The following ANKRD27 variants were observed in gnomAD, a reference collection of about 807,000 sequenced individuals.
ANKRD27 encodes the protein ankyrin repeat domain 27, also known as ankyrin repeat domain-containing protein 27.
ANKRD27 carries 112 observed loss-of-function variants against 129.7 expected under a neutral mutation model. That is an observed-to-expected ratio of 0.86 (90% CI 0.74 to 1.01). ANKRD27 has a LOEUF of 1.01. Among genes scored for constraint, ANKRD27 ranks in the 50% least tolerant of loss-of-function variants. The pLI is 0.00. For missense variants in ANKRD27, 1,258 were observed against 1,300.5 expected (o/e 0.97, Z 0.50); for synonymous variants, 516 against 511.2 (o/e 1.01, Z -0.13).
chr19:32,604,459 T>C (rs772846644), intron 24 of ANKRD27, 35 bp from the exon 25 acceptor site: 1 of 1,562,472 alleles, frequency 6.4e-7, no homozygotes, highest in Non-Finnish European at 8.7e-7. Context: ...AAAGGAACGC[T>C]ACGAAACGTC....
At chr19:32,610,154 A>G (rs1261913145) in intron 22 of ANKRD27, among the ~76,000 whole-genome samples, 1 of 152,190 alleles carries the variant, frequency 6.6e-6, no homozygotes, top group African/African-American at 2.4e-5. Context: ...TACTAAAAAT[A>G]CAAAAATTAG....
At chr19:32,628,046 TGTGACAGCCCCTAGG>T in intron 15 of ANKRD27, 22 bp downstream of exon 15, 1 of 1,597,612 alleles carries the variant, frequency 6.3e-7, no homozygotes, top group Non-Finnish European at 8.6e-7. Context: ...ATCCCTTTGC[TGTGACAGCCCCTAGG>T]GGCCAGCCCA....
intron 1 of ANKRD27, among the ~76,000 whole-genome samples, chr19:32,660,156 C>T (rs1463311593): frequency 1.3e-5 from 2 of 152,156 alleles, no homozygotes; most frequent in Non-Finnish European, 2.9e-5. Context: ...TTTATGTCCC[C>T]CAAAAACTCA....
chr19:32,616,334 C>T (rs994766979), intron 21 of ANKRD27, among the ~76,000 whole-genome samples: 1 of 152,160 alleles, frequency 6.6e-6, no homozygotes, highest in Non-Finnish European at 1.5e-5. Flanking sequence ...AGGCAGATCA[C>T]CTGAGGTCAG....
chr19:32,670,006 A>T (rs961510738), intron 1 of ANKRD27, among the ~76,000 whole-genome samples: 1 of 151,872 alleles, frequency 6.6e-6, no homozygotes. Flanking sequence ...AAAAAAAAAA[A>T]AAAGAAAGAA....
intron 22 of ANKRD27, among the ~76,000 whole-genome samples, chr19:32,610,580 T>A (rs1971820634): frequency 6.7e-6 from 1 of 148,974 alleles, no homozygotes; most frequent in Admixed American, 6.7e-5. Context: ...TCACTTGAGG[T>A]CAGGAGTTTG....
intron 3 of ANKRD27, among the ~76,000 whole-genome samples, chr19:32,649,381 C>G (rs577015912): frequency 1.3e-5 from 2 of 152,160 alleles, no homozygotes; most frequent in African/African-American, 2.4e-5. Flanking sequence ...TCCTTTGGCT[C>G]GGACATCAGC....
In ANKRD27 at chr19:32,626,772, T is replaced by G. The variant is rs1242755904; in HGVS notation, c.1476A>C (p.Thr492=). ...LVSKGAMVNA[T]DYHGATPLHL... ...GGAGCGGAGTGGCTCCATGGTAGTCTGTGGCATTTACCATGGCGCCCTTGG... is the reference window on the plus strand; with the variant it reads ...GGAGCGGAGTGGCTCCATGGTAGTCGGTGGCATTTACCATGGCGCCCTTGG... The change falls in exon 16 of 29, where the codon ACA becomes ACC. Residue 492 remains threonine, a synonymous_variant. Transcript: ENST00000306065. 6.2e-7 allele frequency: 1 copy of G among 1,612,560 alleles called. No homozygotes were observed. The highest frequency in any genetic ancestry group is 1.3e-5 in the African/African-American group (1 of 74,894).
chr19:32,633,516 G>A (rs1041484622), intron 12 of ANKRD27, among the ~76,000 whole-genome samples: 13 of 151,366 alleles, frequency 8.6e-5, no homozygotes, highest in Non-Finnish European at 1.5e-4. Flanking sequence ...AAAGATGGCG[G>A]TCTCGCTACA....
chr19:32,622,495 A>G lies in ANKRD27; in HGVS notation c.1754T>C (p.Leu585Pro). 2 of 1,614,032 alleles carry G rather than the reference A, an allele frequency of 1.2e-6. No individual in the cohort carries two copies. The highest frequency in any genetic ancestry group is 1.7e-6 in the Non-Finnish European group (2 of 1,180,012). The change falls in exon 18 of 29, where the codon CTG (leucine) becomes CCG (proline). Residue 585 changes from leucine (L) to proline (P), a missense_variant. Transcript: ENST00000306065. Reference sequence around the variant, plus strand: ...GATCTCGGTGGACGCTCCGTTCTGCAGCAATGTCTCTATGACGCCTTGGTA... The same window carrying G: ...GATCTCGGTGGACGCTCCGTTCTGCGGCAATGTCTCTATGACGCCTTGGTA... ...WGYQGVIETL[L>P]QNGASTEIQN... is the part of the protein sequence containing the mutation.
At chr19:32,669,463 C>T (rs1326585892) in intron 1 of ANKRD27, among the ~76,000 whole-genome samples, 3 of 152,202 alleles carry the variant, frequency 2.0e-5, no homozygotes, top group Non-Finnish European at 4.4e-5. Flanking sequence ...AAAACTCTTT[C>T]TAGTTCCTGA....
chr19:32,599,951 C>A, intron 27 of ANKRD27, 21 bp downstream of exon 27: 2 of 1,601,332 alleles, frequency 1.2e-6, no homozygotes, highest in South Asian at 2.2e-5. Flanking sequence ...GCACAGAAAT[C>A]AACTTGAGTT....
rs1279549444 is a variant in ANKRD27 at position 32,597,373 on chromosome 19, ACT to A, written c.*770_*771del. The A allele has an allele frequency of 6.5e-6, 1 of 152,742 alleles. No homozygotes were observed. The highest frequency in any genetic ancestry group is 3.4e-3 in the Middle Eastern group (1 of 294). The allele number at this position is 152,742 out of a possible 1,614,324, so 9.5% of individuals were successfully genotyped here. On this transcript the variant is annotated 3_prime_UTR_variant, in exon 29 of 29. Transcript: ENST00000306065. ...GACTAAGAAAAGATGTGCCAAATCTACTCTCTAATCCAGTAACCATCCCGTCA... is the reference window on the plus strand; with the variant it reads ...GACTAAGAAAAGATGTGCCAAATCTACTCTAATCCAGTAACCATCCCGTCA...
chr19:32,602,178 G>T, intron 25 of ANKRD27, 52 bp from the exon 26 acceptor site: 1 of 1,158,440 alleles, frequency 8.6e-7, no homozygotes, highest in South Asian at 1.3e-5. Context: ...TTTTTTAATA[G>T]GTTATTATTT....
At chr19:32,631,773 G>A (rs1156704521) in intron 12 of ANKRD27, among the ~76,000 whole-genome samples, 1 of 152,198 alleles carries the variant, frequency 6.6e-6, no homozygotes, top group Non-Finnish European at 1.5e-5. Context: ...CTCCAGCGTG[G>A]AATGCGGCGC....
chr19:32,637,795 G>A (rs906366514), intron 12 of ANKRD27: 3 of 152,440 alleles, frequency 2.0e-5, no homozygotes, highest in African/African-American at 7.2e-5. Flanking sequence ...CCCCACTCCT[G>A]GCACCGACTT....
chr19:32,599,677 ATT>A, intron 28 of ANKRD27, 25 bp downstream of exon 28: 1 of 1,593,642 alleles, frequency 6.3e-7, no homozygotes, highest in Non-Finnish European at 8.6e-7. Flanking sequence ...AGAAAATATG[ATT>A]AAAAGCCAGT....
At position 32,602,091 on chromosome 19, in the gene ANKRD27, T is replaced by A; in HGVS notation, c.2691A>T (p.Pro897=). ...SKIMELLQVV[P]SCVASLDDVA... ...CATCATCTAATGAAGCAACACAGCT[T>A]GGTACCACCTGAAGCAATTCCATTA... is the stretch of plus-strand genomic sequence containing the variant. The change falls in exon 26 of 29, where the codon CCA becomes CCT. Residue 897 remains proline (P), a synonymous_variant. Transcript: ENST00000306065. The A allele has an allele frequency of 6.2e-7, 1 of 1,613,868 alleles. No individual in the cohort carries two copies. The highest frequency in any genetic ancestry group is 8.5e-7 in the Non-Finnish European group (1 of 1,179,798).
chr19:32,644,547 C>T, intron 4 of ANKRD27, 68 bp from the exon 5 acceptor site: 2 of 1,577,516 alleles, frequency 1.3e-6, no homozygotes, highest in Non-Finnish European at 1.7e-6. Flanking sequence ...TCCTATCCTA[C>T]AGGGCCTAGG....
Sources: gnomAD v4.1 joint callset for allele counts (sites outside exome capture counted in the v4.1 genomes callset) on GRCh38, gnomAD v4.1.1 for gene constraint, MANE v1.5 for transcripts, NCBI Gene and HGNC (gene_info 2026-07-23, HGNC 2026-07-21) for gene names.